The following PTPRG variants were observed in gnomAD, a reference collection of about 807,000 sequenced individuals.
The protein encoded by PTPRG is protein tyrosine phosphatase receptor type G, also known as receptor-type tyrosine-protein phosphatase gamma.
A neutral mutation model predicts 165.3 loss-of-function variants in PTPRG; 102 were observed. That is an observed-to-expected ratio of 0.62 (90% CI 0.53 to 0.73). The LOEUF is 0.73. Ranked by LOEUF, PTPRG falls within the 30% of genes least tolerant of loss-of-function variation. PTPRG has a pLI of 0.00. For synonymous variants in PTPRG, 675 were observed against 669.5 expected, an observed-to-expected ratio of 1.01 and a Z score of -0.13; for missense variants, 1,866 against 1,861.4, an observed-to-expected ratio of 1.00 and a Z score of -0.05.
chr3:62,197,537 C>G (rs762827830), intron 10 of PTPRG, among the ~76,000 whole-genome samples: 85 of 152,232 alleles, frequency 5.6e-4, no homozygotes, highest in Non-Finnish European at 6.5e-4. Flanking sequence ...GTCTCTTTCC[C>G]TGTGTCGAGG....
intron 2 of PTPRG, among the ~76,000 whole-genome samples, chr3:61,884,629 G>C (rs150549101): frequency 3.3e-5 from 5 of 152,144 alleles, no homozygotes; most frequent in Non-Finnish European, 7.3e-5. Context: ...AGAGACTTCC[G>C]GGCTGGCAAT....
intron 1 of PTPRG, among the ~76,000 whole-genome samples, chr3:61,680,708 A>G (rs1703407854): frequency 6.6e-6 from 1 of 151,480 alleles, no homozygotes; most frequent in Non-Finnish European, 1.5e-5. Flanking sequence ...TTGGTGAGCA[A>G]ACTTTTCCTA....
At chr3:61,894,301 CAAAAAAAAAAAAAAAAAAAAA>C (rs767479285) in intron 2 of PTPRG, among the ~76,000 whole-genome samples, 1 of 49,838 alleles carries the variant, frequency 2.0e-5, no homozygotes, top group Non-Finnish European at 3.6e-5. Context: ...GACTCTGTGT[CAAAAAAAAAAAAAAAAAAAAA>C]AAAAAAAAAA....
chr3:61,580,554 G>C (rs1419878721), intron 1 of PTPRG, among the ~76,000 whole-genome samples: 1 of 151,948 alleles, frequency 6.6e-6, no homozygotes, highest in East Asian at 1.9e-4. Flanking sequence ...CCAGGATGGT[G>C]TCCATCTCTT....
At position 62,111,023 on chromosome 3, in the gene PTPRG, G is replaced by A. The variant is rs140784468; in HGVS notation, c.616-21579G>A. 3.3e-5 allele frequency among the ~76,000 whole-genome samples: 5 copies of A among 152,310 alleles called. No homozygotes were observed. The East Asian group carries it at 9.7e-4, about 29-fold the overall frequency. On this transcript the variant is annotated intron_variant, in intron 5 of 29. Coordinates refer to ENST00000474889, the MANE Select transcript of PTPRG (RefSeq NM_002841.4). ...GAGATTGTAGGGCTCTGTGGGAAGT[G>A]ATTCTAGCTTTGGAACCTTTACACA...
intron 2 of PTPRG, among the ~76,000 whole-genome samples, chr3:61,829,175 G>T (rs754826957): frequency 6.6e-6 from 1 of 152,248 alleles, no homozygotes; most frequent in Non-Finnish European, 1.5e-5. Flanking sequence ...CAACAAAGGC[G>T]AAGTAAATGT....
chr3:61,592,484 T>C (rs2106825104), intron 1 of PTPRG, among the ~76,000 whole-genome samples: 1 of 152,292 alleles, frequency 6.6e-6, no homozygotes, highest in Admixed American at 6.5e-5. Context: ...TTTCCCTTTC[T>C]CTGAAGCTTA....
At chr3:61,855,263 G>A (rs1311108165) in intron 2 of PTPRG, among the ~76,000 whole-genome samples, 2 of 152,120 alleles carry the variant, frequency 1.3e-5, no homozygotes, top group East Asian at 1.9e-4. Context: ...TAGATTAGCC[G>A]CCTTTCCTTT....
chr3:61,762,631 C>A (rs1380353555), intron 2 of PTPRG, among the ~76,000 whole-genome samples: 1 of 152,110 alleles, frequency 6.6e-6, no homozygotes, highest in Non-Finnish European at 1.5e-5. Flanking sequence ...TATGAGTACA[C>A]CATAGCTAGC....
chr3:62,244,430 T>C (rs575573047), intron 15 of PTPRG, among the ~76,000 whole-genome samples: 1 of 152,276 alleles, frequency 6.6e-6, no homozygotes, highest in African/African-American at 2.4e-5. Flanking sequence ...ATTTAGAAGT[T>C]CAGCAGTGGG....
intron 1 of PTPRG, among the ~76,000 whole-genome samples, chr3:61,743,353 C>T (rs970490498): frequency 6.6e-6 from 1 of 152,182 alleles, no homozygotes; most frequent in African/African-American, 2.4e-5. Flanking sequence ...GTTTTGAAAT[C>T]TCCACTCTTA....
chr3:61,585,267 G>A (rs1302815756), intron 1 of PTPRG, among the ~76,000 whole-genome samples: 5 of 138,550 alleles, frequency 3.6e-5, no homozygotes, highest in African/African-American at 1.4e-4. Flanking sequence ...GGCAACAGAG[G>A]GAGACCCTGT....
chr3:61,751,960 C>T (rs1036584221), intron 2 of PTPRG, among the ~76,000 whole-genome samples: 5 of 151,824 alleles, frequency 3.3e-5, no homozygotes, highest in African/African-American at 9.7e-5. Context: ...GCCCACTGCA[C>T]TCCAGCCTGG....
intron 2 of PTPRG, among the ~76,000 whole-genome samples, chr3:61,871,932 G>C (rs2037597496): frequency 6.6e-6 from 1 of 152,156 alleles, no homozygotes; most frequent in Admixed American, 6.5e-5. Context: ...TTTTAGAGCT[G>C]AATGTCCTTC....
chr3:62,275,855 A>G lies in PTPRG; in HGVS notation c.3466-18A>G. On this transcript the variant is annotated intron_variant, in intron 23 of 29. Transcript: ENST00000474889. ...ATTATATCTTTGAATGAAGACTAAA[A>G]TGTTTTTTCTTTTTCAGCTGGTCAC... 5.1e-6 allele frequency: 8 copies of G among 1,569,336 alleles called. No individual in the cohort carries two copies. The highest frequency in any genetic ancestry group is 5.2e-6 in the Non-Finnish European group (6 of 1,147,884).
At chr3:61,977,382 T>C (rs6790745) in intron 2 of PTPRG, among the ~76,000 whole-genome samples, 70,256 of 151,948 alleles carry the variant, frequency 0.46, 17,054 homozygotes, top group African/African-American at 0.63. Context: ...TTTTTTAACA[T>C]GTTTTTGGTT....
chr3:61,948,848 G>T (rs1405713622), intron 2 of PTPRG, among the ~76,000 whole-genome samples: 1 of 152,146 alleles, frequency 6.6e-6, no homozygotes, highest in Non-Finnish European at 1.5e-5. Context: ...TGCTTTGCCT[G>T]CCCTGGAAGA....
chr3:62,159,328 CAA>C (rs146075876), intron 7 of PTPRG, among the ~76,000 whole-genome samples: 1 of 144,190 alleles, frequency 6.9e-6, no homozygotes, highest in African/African-American at 2.6e-5. Context: ...GAGACTGTCT[CAA>C]AAAAAAAAGA....
At chr3:61,766,228 T>C (rs1406082325) in intron 2 of PTPRG, among the ~76,000 whole-genome samples, 1 of 152,242 alleles carries the variant, frequency 6.6e-6, no homozygotes, top group African/African-American at 2.4e-5. Context: ...TTATTCCATC[T>C]TCCTTCATTC....
Sources: allele counts gnomAD v4.1 joint callset (sites outside exome capture counted in the v4.1 genomes callset), GRCh38; gene constraint gnomAD v4.1.1; transcripts MANE v1.5; gene names NCBI Gene and HGNC (gene_info 2026-07-23, HGNC 2026-07-21).